FBXW2: variants seen among roughly 807,000 people sequenced by gnomAD.
FBXW2 encodes the protein F-box and WD repeat domain containing 2.
Under a neutral mutation model 46.0 loss-of-function variants are expected in FBXW2, and 12 were observed. That is an observed-to-expected ratio of 0.26 (90% CI 0.17 to 0.42). FBXW2 has a LOEUF of 0.42. Ranked by LOEUF, FBXW2 falls within the 10% of genes least tolerant of loss-of-function variation. The pLI is 1.00. For missense variants in FBXW2, 360 were observed against 537.0 expected (o/e 0.67, Z 3.26); for synonymous variants, 203 against 209.6 (o/e 0.97, Z 0.27).
intron 2 of FBXW2, among the ~76,000 whole-genome samples, chr9:120,791,615 G>A (rs1458135008): frequency 6.6e-6 from 1 of 152,180 alleles, no homozygotes; most frequent in Non-Finnish European, 1.5e-5. Flanking sequence ...AGATTTCTGT[G>A]ACACTAAGGG....
In FBXW2 at chr9:120,778,500, T is replaced by A. The variant is rs748220757; in HGVS notation, c.536A>T (p.Gln179Leu). ...GTGGGTCTGGATGCCATAAACGCAC[T>A]GCCCTGTGCTCACATCCCACAGCTT... Reference protein sequence around the residue: ...SAKLWDVSTGQCVYGIQTHTC... With the variant: ...SAKLWDVSTGLCVYGIQTHTC... Residue 179 changes from glutamine to leucine, a missense_variant, in exon 4 of 8, where the codon CAG becomes CTG. Transcript: ENST00000608872. 1 of 1,614,186 alleles carries A rather than the reference T, an allele frequency of 6.2e-7. No homozygotes were observed. The highest frequency in any genetic ancestry group is 1.1e-5 in the South Asian group (1 of 91,070).
intron 3 of FBXW2, among the ~76,000 whole-genome samples, chr9:120,782,859 A>C (rs1356093239): frequency 2.6e-5 from 4 of 151,498 alleles, no homozygotes; most frequent in East Asian, 1.9e-4. Context: ...TCAAAAGAAA[A>C]CCCCCCCAAA....
At chr9:120,790,348 G>C (rs1163547684) in intron 2 of FBXW2, among the ~76,000 whole-genome samples, 1 of 152,156 alleles carries the variant, frequency 6.6e-6, no homozygotes, top group Non-Finnish European at 1.5e-5. Flanking sequence ...CCCTGGCATG[G>C]TGGTGGGTGC....
intron 3 of FBXW2, among the ~76,000 whole-genome samples, chr9:120,781,778 T>C (rs1189543738): frequency 6.6e-6 from 1 of 151,860 alleles, no homozygotes; most frequent in African/African-American, 2.4e-5. Context: ...ATCCCAACAC[T>C]TTGGGAGGCC....
At chr9:120,769,604 TA>T (rs1278896625) in intron 7 of FBXW2, among the ~76,000 whole-genome samples, 1 of 152,220 alleles carries the variant, frequency 6.6e-6, no homozygotes, top group African/African-American at 2.4e-5. Context: ...TATTGAACTA[TA>T]AAAGATGTGA....
intron 2 of FBXW2, chr9:120,792,894 C>T (rs1391765573): frequency 1.3e-6 from 2 of 1,521,486 alleles, no homozygotes; most frequent in South Asian, 2.4e-5. Flanking sequence ...CACCTGTTTT[C>T]ATGGCATACC....
rs2044145969 is a variant in FBXW2 at position 120,757,626 on chromosome 9, A to G, written c.*6933T>C. 1 of 152,262 alleles carries G rather than the reference A, an allele frequency of 6.6e-6. No homozygotes were observed. Among genetic ancestry groups the G allele is most frequent in the Non-Finnish European group, 1.5e-5 (1 of 68,040 alleles). The allele number at this position is 152,262 out of a possible 1,614,324, so 9.4% of individuals were successfully genotyped here. On this transcript the variant is annotated 3_prime_UTR_variant, in exon 8 of 8. Transcript: ENST00000608872. ...AGTACATAAATCCATACACATGTGC[A>G]TAAGGATTAGAAGAGAGTATTAAAA...
intron 2 of FBXW2, 22 bp from the exon 3 acceptor site, chr9:120,788,300 T>C (rs1201690946): frequency 1.3e-6 from 2 of 1,591,682 alleles, no homozygotes; most frequent in South Asian, 1.1e-5. Flanking sequence ...CAAAATATTG[T>C]ATTAGTTCTG....
Position 120,787,855 on chromosome 9 carries a change from T to C in FBXW2, c.404A>G (p.Asp135Gly). 6.2e-7 allele frequency: 1 copy of C among 1,614,208 alleles called. No homozygotes were observed. The highest frequency in any genetic ancestry group is 8.5e-7 in the Non-Finnish European group (1 of 1,180,042). The part of the protein sequence containing the change: ...KAILRMKQLE[D>G]HEAFETSSLI... ...TGACGAGGTTTCAAAGGCTTCATGG[T>C]CCTCCAGTTGCTTCATTCTCAAAAT... The change falls in exon 3 of 8, where the codon GAC becomes GGC. Residue 135 changes from aspartate to glycine, a missense_variant. By Grantham distance (94) the Asp-to-Gly change is moderately conservative. Transcript: ENST00000608872.
intron 3 of FBXW2, among the ~76,000 whole-genome samples, chr9:120,780,713 T>C (rs2044592810): frequency 6.6e-6 from 1 of 152,224 alleles, no homozygotes; most frequent in Non-Finnish European, 1.5e-5. Context: ...TGGGGTCTCA[T>C]TCATTCATTC....
rs559021454 is a variant in FBXW2, at chr9:120,790,220, T to C, written c.-20-1942A>G. On this transcript the variant is annotated intron_variant, in intron 2 of 7. Coordinates refer to ENST00000608872, the MANE Select transcript of FBXW2 (RefSeq NM_012164.4). ...CAGGCTGGGCACAGTGGCTCACGCC[T>C]GTAATCACAGCACTTTGTGAGACTG... is the stretch of plus-strand genomic sequence containing the variant. 4.6e-5 allele frequency among the ~76,000 whole-genome samples: 7 copies of C among 152,344 alleles called. No individual in the cohort carries two copies. In the South Asian group the frequency reaches 1.4e-3, roughly 32 times the overall value.
At chr9:120,773,592 T>C (rs1198953199) in intron 5 of FBXW2, among the ~76,000 whole-genome samples, 1 of 152,196 alleles carries the variant, frequency 6.6e-6, no homozygotes, top group Non-Finnish European at 1.5e-5. Context: ...GATAAGTATA[T>C]AAACATCAGG....
At chr9:120,765,611 T>C (rs2044262681) in intron 7 of FBXW2, among the ~76,000 whole-genome samples, 1 of 152,160 alleles carries the variant, frequency 6.6e-6, no homozygotes, top group Non-Finnish European at 1.5e-5. Context: ...CATCAACTCC[T>C]AGAATACTGG....
intron 7 of FBXW2, among the ~76,000 whole-genome samples, chr9:120,768,928 G>A (rs899125642): frequency 3.9e-5 from 6 of 152,198 alleles, no homozygotes; most frequent in Non-Finnish European, 5.9e-5. Flanking sequence ...TGGCTACCGG[G>A]TTAGGGCTCA....
intron 3 of FBXW2, among the ~76,000 whole-genome samples, chr9:120,783,040 C>G (rs1449865236): frequency 7.9e-5 from 12 of 151,868 alleles, no homozygotes; most frequent in African/African-American, 2.9e-4. Flanking sequence ...TAATGGCACT[C>G]AACTGTATGC....
At chr9:120,782,451 T>A (rs1345827118) in intron 3 of FBXW2, among the ~76,000 whole-genome samples, 1 of 150,932 alleles carries the variant, frequency 6.6e-6, no homozygotes, top group Admixed American at 6.6e-5. Flanking sequence ...GGCACCAAAT[T>A]GAGACTCTGT....
At chr9:120,791,228 G>C (rs964357640) in intron 2 of FBXW2, among the ~76,000 whole-genome samples, 3 of 152,194 alleles carry the variant, frequency 2.0e-5, no homozygotes, top group African/African-American at 7.2e-5. Flanking sequence ...CAGGAAATGG[G>C]ATTTCAATTC....
intron 7 of FBXW2, among the ~76,000 whole-genome samples, chr9:120,765,714 A>G (rs1328587794): frequency 6.6e-6 from 1 of 152,204 alleles, no homozygotes; most frequent in African/African-American, 2.4e-5. Context: ...CTCTCTAAAA[A>G]CAGTAAAGGC....
chr9:120,788,929 T>A lies in FBXW2; in HGVS notation c.-20-651A>T, dbSNP rs1588051976. 2.0e-5 allele frequency among the ~76,000 whole-genome samples: 3 copies of A among 152,360 alleles called. No homozygotes were observed. The East Asian group carries it at 5.8e-4, about 29-fold the overall frequency. On this transcript the variant is annotated intron_variant, in intron 2 of 7. Transcript: ENST00000608872. ...CTTCCAACTTCTTTATGGCACTGCC[T>A]GTTTAGAACATGAATTATAAAAGAA...
Sources: gnomAD v4.1 joint callset for allele counts (sites outside exome capture counted in the v4.1 genomes callset) on GRCh38, gnomAD v4.1.1 for gene constraint, MANE v1.5 for transcripts, NCBI Gene and HGNC (gene_info 2026-07-23, HGNC 2026-07-21) for gene names.